Variants in TMEFF2 observed in about 807,000 individuals in gnomAD.
TMEFF2 encodes tomoregulin-2.
In TMEFF2, 28 loss-of-function variants were observed where a neutral mutation model predicts 53.8. The ratio of observed to expected loss-of-function variants is 0.52; its 90% CI spans 0.39 to 0.71. TMEFF2 has a LOEUF of 0.71. TMEFF2 is among the 30% of genes least tolerant of loss of function. TMEFF2 has a pLI of 0.00. For synonymous variants in TMEFF2, 162 were observed against 166.3 expected, an observed-to-expected ratio of 0.97 and a Z score of 0.20; for missense variants, 353 against 455.2, an observed-to-expected ratio of 0.78 and a Z score of 2.04.
intron 4 of TMEFF2, among the ~76,000 whole-genome samples, chr2:192,068,169 T>C (rs1034422921): frequency 2.6e-5 from 4 of 151,848 alleles, no homozygotes; most frequent in Non-Finnish European, 5.9e-5. Context: ...GCACATTAAA[T>C]AGGAGGATGT....
chr2:192,045,977 C>G (rs189515630), intron 5 of TMEFF2, among the ~76,000 whole-genome samples: 4 of 152,338 alleles, frequency 2.6e-5, no homozygotes, highest in Non-Finnish European at 4.4e-5. Flanking sequence ...GACTAAGGAA[C>G]TTACTTCACT....
chr2:191,984,595 TTA>T (rs1685932037), intron 7 of TMEFF2, among the ~76,000 whole-genome samples: 1 of 152,162 alleles, frequency 6.6e-6, no homozygotes, highest in East Asian at 1.9e-4. Context: ...TACATTCAAA[TTA>T]TATAATAGAT....
chr2:192,147,431 T>C (rs1339433164), intron 4 of TMEFF2, among the ~76,000 whole-genome samples: 1 of 152,004 alleles, frequency 6.6e-6, no homozygotes, highest in Non-Finnish European at 1.5e-5. Context: ...GCTGCACCCA[T>C]TAACTCGTCA....
intron 5 of TMEFF2, among the ~76,000 whole-genome samples, chr2:192,037,289 G>GAAAGAA (rs1553515703): frequency 8.6e-5 from 11 of 128,320 alleles, no homozygotes; most frequent in Admixed American, 8.1e-4. Flanking sequence ...AAGAAAGAAA[G>GAAAGAA]AAAGAAAGAA....
At chr2:192,089,052 T>C (rs1360116785) in intron 4 of TMEFF2, among the ~76,000 whole-genome samples, 1 of 152,108 alleles carries the variant, frequency 6.6e-6, no homozygotes, top group Non-Finnish European at 1.5e-5. Flanking sequence ...CAGTAGACAT[T>C]TGTCTGGTAA....
At chr2:192,154,764 T>C (rs936591945) in intron 4 of TMEFF2, among the ~76,000 whole-genome samples, 6 of 151,922 alleles carry the variant, frequency 3.9e-5, no homozygotes, top group East Asian at 3.9e-4. Context: ...TTGAAACATA[T>C]ACATATTCTT....
intron 5 of TMEFF2, chr2:192,036,776 A>C (rs145572829): frequency 7.9e-5 from 12 of 152,352 alleles, no homozygotes; most frequent in African/African-American, 2.6e-4. Flanking sequence ...TTCTTTGCTC[A>C]GAATACTGTT....
chr2:191,988,472 T>C (rs768874415), intron 7 of TMEFF2, among the ~76,000 whole-genome samples: 2 of 152,166 alleles, frequency 1.3e-5, no homozygotes, highest in African/African-American at 2.4e-5. Context: ...TAGAATAATT[T>C]TGACATTACA....
At chr2:191,983,971 T>C (rs1685916303) in intron 7 of TMEFF2, among the ~76,000 whole-genome samples, 2 of 152,190 alleles carry the variant, frequency 1.3e-5, no homozygotes, top group African/African-American at 4.8e-5. Context: ...GAATGAACTA[T>C]GCTATTTCAA....
intron 5 of TMEFF2, among the ~76,000 whole-genome samples, chr2:192,014,772 G>A (rs75824333): frequency 1.3e-5 from 2 of 152,134 alleles, no homozygotes; most frequent in African/African-American, 2.4e-5. Flanking sequence ...GGCCTGTTTT[G>A]GTTGAAACTA....
intron 5 of TMEFF2, among the ~76,000 whole-genome samples, chr2:192,003,928 T>TG (rs372342056): frequency 0.031 from 3,671 of 119,260 alleles, 353 homozygotes; most frequent in African/African-American, 0.11. Context: ...TGTGTGTGTG[T>TG]GGGGGGGGGG....
intron 5 of TMEFF2, chr2:192,044,231 T>G (rs1232602762): frequency 6.6e-6 from 1 of 152,204 alleles, no homozygotes; most frequent in African/African-American, 2.4e-5. Flanking sequence ...GATATCACAC[T>G]AGTCTATTAC....
intron 2 of TMEFF2, among the ~76,000 whole-genome samples, chr2:192,185,402 A>G (rs1000951052): frequency 6.6e-6 from 1 of 152,082 alleles, no homozygotes; most frequent in Admixed American, 6.6e-5. Context: ...AAAAAATATA[A>G]TGATCAAGAT....
rs1398122298 is a variant in TMEFF2, at chr2:192,184,474, C to A, written c.292G>T (p.Asp98Tyr). 6.2e-7 allele frequency: 1 copy of A among 1,613,036 alleles called. No homozygotes were observed. Among genetic ancestry groups the A allele is most frequent in the East Asian group, 2.2e-5 (1 of 44,870 alleles). The change falls in exon 3 of 10, where the codon GAC (aspartate) becomes TAC (tyrosine). Residue 98 changes from aspartate to tyrosine, a missense_variant. Asp to Tyr is a radical substitution (Grantham distance 160, BLOSUM62 -3). This residue lies in a region of TMEFF2 where 294 missense variants were observed against 397.3 expected (regional missense o/e 0.74). Coordinates refer to ENST00000272771, the MANE Select transcript of TMEFF2 (RefSeq NM_016192.4). ...TTGGAGCCACACACAGGCACATAGT[C>A]ATTGTTGCACTGGGAAACACACAGA... ...TCVCQFKCNN[D>Y]YVPVCGSNGE... is the part of the protein sequence containing the mutation.
intron 4 of TMEFF2, among the ~76,000 whole-genome samples, chr2:192,075,611 T>G (rs1688415550): frequency 6.6e-6 from 1 of 151,724 alleles, no homozygotes; most frequent in Non-Finnish European, 1.5e-5. Flanking sequence ...TGTGTTCACA[T>G]CTAGAAGCAA....
At chr2:192,092,158 G>A (rs930073743) in intron 4 of TMEFF2, among the ~76,000 whole-genome samples, 12 of 152,028 alleles carry the variant, frequency 7.9e-5, no homozygotes, top group Non-Finnish European at 2.9e-5. Flanking sequence ...TGTATTCAGT[G>A]TGATCCTTTC....
intron 4 of TMEFF2, chr2:192,177,514 T>C (rs1024103046): frequency 4.6e-5 from 7 of 151,116 alleles, no homozygotes; most frequent in African/African-American, 7.3e-5. Flanking sequence ...AAAAATTGTA[T>C]GCAATTAGGA....
chr2:191,956,080 T>C (rs1298290504), intron 8 of TMEFF2, among the ~76,000 whole-genome samples, 175 bp downstream of exon 8: 4 of 43,144 alleles, frequency 9.3e-5, no homozygotes, highest in Non-Finnish European at 2.0e-4. Context: ...TTTGTTTTTT[T>C]TTAGTGTGTG....
At position 192,133,904 on chromosome 2, in the gene TMEFF2, C is replaced by T. The variant is rs919066410; in HGVS notation, c.439+45764G>A. 2.0e-5 allele frequency among the ~76,000 whole-genome samples: 3 copies of T among 152,294 alleles called. No individual in the cohort carries two copies. The South Asian group carries it at 6.2e-4, about 32-fold the overall frequency. ...CCTGCTGATCGTGTCCGATTAATCTCCCAAACCTCAATCCCTTACAAAACA... is the reference window on the plus strand; with the variant it reads ...CCTGCTGATCGTGTCCGATTAATCTTCCAAACCTCAATCCCTTACAAAACA... On this transcript the variant is annotated intron_variant, in intron 4 of 9. Coordinates refer to ENST00000272771, the MANE Select transcript of TMEFF2 (RefSeq NM_016192.4).
Sources: gnomAD v4.1 joint callset for allele counts (sites outside exome capture counted in the v4.1 genomes callset) on GRCh38, gnomAD v4.1.1 for gene constraint, gnomAD v4.1.1 regional missense constraint, MANE v1.5 for transcripts, NCBI Gene and HGNC (gene_info 2026-07-23, HGNC 2026-07-21) for gene names.